SLC35G2: variants seen among roughly 807,000 people sequenced by gnomAD.
SLC35G2 encodes the protein solute carrier family 35 member G2.
In SLC35G2, 20 loss-of-function variants were observed where a neutral mutation model predicts 27.2. The observed-to-expected ratio is 0.74, with a 90% CI of 0.52 to 1.07. SLC35G2 has a LOEUF of 1.07. Ranked by LOEUF, SLC35G2 falls within the 50% of genes least tolerant of loss-of-function variation. SLC35G2 has a pLI of 0.00. For synonymous variants in SLC35G2, 148 were observed against 165.3 expected (o/e 0.90, Z 0.80); for missense variants, 416 against 493.3 (o/e 0.84, Z 1.48).
In SLC35G2 at chr3:136,821,892, G is replaced by C. The variant is rs551896357; in HGVS notation, c.-19+2264G>C. On this transcript the variant is annotated intron_variant, in intron 1 of 1. Transcript: ENST00000446465. ...ACTCCTGATTTTCCCCTGCCCTCCA[G>C]TCCCTGGAAACCACCATTCTACTCC... Among the ~76,000 whole-genome samples the C allele has an allele frequency of 2.0e-5, 3 of 152,146 alleles. No individual in the cohort carries two copies. In the South Asian group the frequency reaches 6.2e-4, roughly 32 times the overall value.
At chr3:136,848,429 G>A (rs569055405) in intron 1 of SLC35G2, among the ~76,000 whole-genome samples, 1 of 152,040 alleles carries the variant, frequency 6.6e-6, no homozygotes, top group South Asian at 2.1e-4. Context: ...GATCAGCCTG[G>A]GCAACATGGC....
At position 136,855,497 on chromosome 3, in the gene SLC35G2, TG is replaced by T; in HGVS notation, c.1039del (p.Val347LeufsTer11). The T allele has an allele frequency of 6.2e-7, 1 of 1,614,162 alleles. No homozygotes were observed. The highest frequency in any genetic ancestry group is 8.5e-7 in the Non-Finnish European group (1 of 1,179,972). ...YYALDKFHPA[L>X]VSTVQHLEIV... ...GCCTTGGACAAATTCCATCCAGCTT[TG>T]GTTAGCACAGTACAACATTTGGAGA... is the stretch of plus-strand genomic sequence containing the variant. On this transcript the variant is annotated frameshift_variant, in exon 2 of 2. Coordinates refer to ENST00000446465, the MANE Select transcript of SLC35G2 (RefSeq NM_025246.3). LOFTEE classifies it high-confidence loss of function.
At chr3:136,833,219 A>G (rs1251320996) in intron 1 of SLC35G2, among the ~76,000 whole-genome samples, 3 of 152,150 alleles carry the variant, frequency 2.0e-5, no homozygotes, top group Non-Finnish European at 4.4e-5. Context: ...AGGGTAGGGA[A>G]TAGTAGTTCA....
chr3:136,843,817 C>T (rs1576904835), intron 1 of SLC35G2, among the ~76,000 whole-genome samples: 1 of 151,830 alleles, frequency 6.6e-6, no homozygotes, highest in African/African-American at 2.4e-5. Context: ...CCCTGTAGTC[C>T]CAGCTACTGA....
In SLC35G2 at chr3:136,852,497, C is replaced by CT. The variant is rs750307553; in HGVS notation, c.-18-1933dup. ...AAAAAAAAAGATTTTTTTTCTTTTTCTTTTTTTTTTTTTGAGATGGAGTCT... is the reference window on the plus strand; with the variant it reads ...AAAAAAAAAGATTTTTTTTCTTTTTCTTTTTTTTTTTTTTGAGATGGAGTCT... On this transcript the variant is annotated intron_variant, in intron 1 of 1. Transcript: ENST00000446465. Among the ~76,000 whole-genome samples, 692 of 142,320 alleles carry CT rather than the reference C, an allele frequency of 4.9e-3. 1 individual carries two copies. Among genetic ancestry groups the CT allele is most frequent in the South Asian group, 7.2e-3 (32 of 4,442 alleles). 93.4% of individuals were successfully genotyped at this position (142,320 alleles called of 152,430 possible).
chr3:136,830,118 T>C (rs1936689568), intron 1 of SLC35G2, among the ~76,000 whole-genome samples: 1 of 142,034 alleles, frequency 7.0e-6, no homozygotes, highest in Non-Finnish European at 1.5e-5. Context: ...TTTTTTTTTT[T>C]TTTTTTTTTG....
chr3:136,826,101 A>G (rs1936579127), intron 1 of SLC35G2, among the ~76,000 whole-genome samples: 1 of 151,294 alleles, frequency 6.6e-6, no homozygotes, highest in Non-Finnish European at 1.5e-5. Context: ...CAGTGGCGCG[A>G]TCTTGGCTCA....
chr3:136,838,963 A>T (rs1340246273), intron 1 of SLC35G2: 2 of 152,244 alleles, frequency 1.3e-5, no homozygotes, highest in Non-Finnish European at 2.9e-5. Context: ...GTATTTAACC[A>T]TTTAAACAGA....
At chr3:136,850,890 T>C (rs1393948268) in intron 1 of SLC35G2, among the ~76,000 whole-genome samples, 2 of 151,618 alleles carry the variant, frequency 1.3e-5, no homozygotes, top group Non-Finnish European at 2.9e-5. Flanking sequence ...GAGGCTGAGG[T>C]GGGAGGATTG....
intron 1 of SLC35G2, among the ~76,000 whole-genome samples, chr3:136,821,154 T>C (rs1436044997): frequency 6.6e-6 from 1 of 152,188 alleles, no homozygotes; most frequent in African/African-American, 2.4e-5. Context: ...TTTTAGGTAA[T>C]AGAGAAATGC....
At chr3:136,838,500 G>T (rs1052150243) in intron 1 of SLC35G2, 1 of 152,122 alleles carries the variant, frequency 6.6e-6, no homozygotes, top group African/African-American at 2.4e-5. Context: ...ATGGGAAGAG[G>T]TGACTGAGTT....
intron 1 of SLC35G2, among the ~76,000 whole-genome samples, chr3:136,822,222 T>C (rs1025127193): frequency 6.6e-6 from 1 of 152,208 alleles, no homozygotes; most frequent in Non-Finnish European, 1.5e-5. Context: ...TTTCTACTTT[T>C]TGTATCCATT....
intron 1 of SLC35G2, among the ~76,000 whole-genome samples, chr3:136,835,380 TACA>T (rs750406534): frequency 2.8e-4 from 41 of 147,410 alleles, no homozygotes; most frequent in African/African-American, 5.7e-4. Flanking sequence ...ATTCAGGTGA[TACA>T]TTTTTTTTTG....
chr3:136,835,571 G>A (rs1033055111), intron 1 of SLC35G2, among the ~76,000 whole-genome samples: 14 of 152,078 alleles, frequency 9.2e-5, no homozygotes, highest in African/African-American at 3.1e-4. Flanking sequence ...GACACTTTGA[G>A]GCTATGTAAA....
At chr3:136,824,148 G>A (rs560468187) in intron 1 of SLC35G2, among the ~76,000 whole-genome samples, 4 of 152,216 alleles carry the variant, frequency 2.6e-5, no homozygotes, top group South Asian at 2.1e-4. Flanking sequence ...TTGAAGTCAC[G>A]TAATGTGATT....
intron 1 of SLC35G2, among the ~76,000 whole-genome samples, chr3:136,844,183 T>G (rs1937245089): frequency 6.6e-6 from 1 of 150,588 alleles, no homozygotes; most frequent in Admixed American, 6.6e-5. Context: ...AGAGTGAGAC[T>G]CCGTCTCAAA....
At chr3:136,838,419 T>C (rs941800266) in intron 1 of SLC35G2, 1 of 152,138 alleles carries the variant, frequency 6.6e-6, no homozygotes, top group Non-Finnish European at 1.5e-5. Context: ...ATTTGACATA[T>C]GGTTTGGTCT....
intron 1 of SLC35G2, among the ~76,000 whole-genome samples, chr3:136,831,870 T>G (rs1245623888): frequency 6.6e-6 from 1 of 151,962 alleles, no homozygotes; most frequent in East Asian, 1.9e-4. Context: ...ATAATACATG[T>G]AAAGTGCTTG....
intron 1 of SLC35G2, among the ~76,000 whole-genome samples, chr3:136,833,615 A>G (rs905952498): frequency 2.6e-5 from 4 of 152,180 alleles, no homozygotes. Context: ...GGAACATGCA[A>G]CCTAGATCCC....
Sources: allele counts gnomAD v4.1 joint callset (sites outside exome capture counted in the v4.1 genomes callset), GRCh38; gene constraint gnomAD v4.1.1; transcripts MANE v1.5; gene names NCBI Gene and HGNC (gene_info 2026-07-23, HGNC 2026-07-21).